The following DOT1L variants were observed in gnomAD, a reference collection of about 807,000 sequenced individuals.
The protein encoded by DOT1L is DOT1 like histone lysine methyltransferase.
In DOT1L, 33 loss-of-function variants were observed where a neutral mutation model predicts 153.3. The observed-to-expected ratio is 0.22, with a 90% CI of 0.16 to 0.29. The LOEUF (loss-of-function observed/expected upper bound fraction) is 0.29, where lower values mean the gene tolerates loss of function less well. Among genes scored for constraint, DOT1L ranks in the 10% least tolerant of loss-of-function variants. The pLI, the probability that DOT1L is intolerant of heterozygous loss-of-function variation, is 1.00. For missense variants in DOT1L, 1,847 were observed against 2,119.9 expected, an observed-to-expected ratio of 0.87 and a Z score of 2.53; for synonymous variants, 1,135 against 965.1, an observed-to-expected ratio of 1.18 and a Z score of -3.26.
intron 26 of DOT1L, 98 bp from the exon 27 acceptor site, chr19:2,226,085 G>A (rs969766766): frequency 1.3e-5 from 18 of 1,338,940 alleles, no homozygotes; most frequent in Non-Finnish European, 1.8e-5. Flanking sequence ...AGCCCTGCCT[G>A]CAGAGTTGCC....
chr19:2,164,332 C>G lies in DOT1L; in HGVS notation c.81+67C>G, dbSNP rs528793077. 6.1e-4 allele frequency: 686 copies of G among 1,121,492 alleles called. 5 individuals carry two copies. The African/African-American group carries it at 0.01, about 16-fold the overall frequency. The allele number at this position is 1,121,492 out of a possible 1,614,324, so 69.5% of individuals were successfully genotyped here. ...TCCTCCGCCGCCCCTGGGGACACCC[C>G]AAACCCCCCCAAGCCGCGCTCACCG... On this transcript the variant is annotated intron_variant, in intron 1 of 27. Coordinates refer to ENST00000398665, the MANE Select transcript of DOT1L (RefSeq NM_032482.3).
chr19:2,180,288 G>A (rs930032195), intron 1 of DOT1L, among the ~76,000 whole-genome samples: 1 of 152,220 alleles, frequency 6.6e-6, no homozygotes, highest in Non-Finnish European at 1.5e-5. Flanking sequence ...CTGGAGCAGC[G>A]TCGGGAGAAT....
intron 25 of DOT1L, among the ~76,000 whole-genome samples, chr19:2,224,530 C>T (rs1367291451): frequency 2.7e-5 from 4 of 149,406 alleles, no homozygotes; most frequent in Non-Finnish European, 4.4e-5. Context: ...TGCGGTGGCG[C>T]GATCTCGGCT....
In DOT1L at chr19:2,232,394, G is replaced by A. The variant is rs901264293; in HGVS notation, c.*2602G>A. On this transcript the variant is annotated 3_prime_UTR_variant, in exon 28 of 28. Transcript: ENST00000398665. Reference sequence around the variant, plus strand: ...TCAGACCCCCCTCCCAACACAACACGCTGCTGGTCTGTGTCAGCCTTTGTA... The same window carrying A: ...TCAGACCCCCCTCCCAACACAACACACTGCTGGTCTGTGTCAGCCTTTGTA... 2 of 162,980 alleles carry A rather than the reference G, an allele frequency of 1.2e-5. No individual in the cohort carries two copies. Among genetic ancestry groups the A allele is most frequent in the East Asian group, 9.5e-5 (1 of 10,474 alleles). The allele number at this position is 162,980 out of a possible 1,614,324, so 10.1% of individuals were successfully genotyped here.
intron 27 of DOT1L, chr19:2,228,761 A>G: frequency 1.0e-6 from 1 of 985,386 alleles, no homozygotes; most frequent in Non-Finnish European, 1.2e-6. Context: ...CAGGTCACTC[A>G]TGACGGGTGG....
intron 12 of DOT1L, among the ~76,000 whole-genome samples, chr19:2,210,125 C>CTCACAG: frequency 6.6e-6 from 1 of 152,302 alleles, no homozygotes. Context: ...TTCTCTGTGG[C>CTCACAG]TCACAGTCTG....
rs777524986 is a variant in DOT1L at position 2,226,881 on chromosome 19, G to A, written c.4360G>A (p.Ala1454Thr). The A allele has an allele frequency of 3.2e-6, 5 of 1,574,362 alleles. No homozygotes were observed. The highest frequency in any genetic ancestry group is 3.5e-5 in the Admixed American group (2 of 56,502). The change falls in exon 27 of 28, where the codon GCG becomes ACG. Residue 1454 changes from alanine to threonine, a missense_variant. By Grantham distance (58) the Ala-to-Thr change is moderately conservative. Transcript: ENST00000398665. ...CCCGGCGGCGTCCTCCGCAGGCGGC[G>A]CGGCGTCCTCCGCCCAGACGCACCG... ...LAPAASSAGG[A>T]ASSAQTHRSF...
chr19:2,164,718 C>G (rs1256699206), intron 1 of DOT1L, among the ~76,000 whole-genome samples: 1 of 152,134 alleles, frequency 6.6e-6, no homozygotes, highest in African/African-American at 2.4e-5. Context: ...GCTTTTCCTA[C>G]TCGGGCACGG....
rs2144867640 is a variant in DOT1L, at chr19:2,216,541, G to A, written c.2184G>A (p.Arg728=). The A allele has an allele frequency of 1.9e-6, 3 of 1,611,022 alleles. No individual in the cohort carries two copies. The highest frequency in any genetic ancestry group is 2.5e-6 in the Non-Finnish European group (3 of 1,179,774). The change falls in exon 20 of 28, where the codon CGG becomes CGA. Residue 728 remains arginine, a synonymous_variant. Transcript: ENST00000398665. ...AGYELCGVLS[R]PSSKQNTPQY... ...ATGAGCTCTGCGGTGTGCTGAGCCG[G>A]CCTTCGTCGAAGCAGAACACGCCCC... is the stretch of plus-strand genomic sequence containing the variant.
At chr19:2,169,430 G>C (rs912190532) in intron 1 of DOT1L, among the ~76,000 whole-genome samples, 5 of 152,156 alleles carry the variant, frequency 3.3e-5, no homozygotes, top group Non-Finnish European at 7.3e-5. Flanking sequence ...GAGGTTGCAG[G>C]GGGTACTGGG....
chr19:2,184,356 T>G (rs762683220), intron 2 of DOT1L, among the ~76,000 whole-genome samples: 9 of 152,212 alleles, frequency 5.9e-5, no homozygotes, highest in Non-Finnish European at 1.2e-4. Context: ...CCACAGCCCT[T>G]CTGACAGGAT....
rs1478680071 is a variant in DOT1L at position 2,182,160 on chromosome 19, GAGGTTGC to G, written c.125+1407_125+1413del. On this transcript the variant is annotated intron_variant, in intron 2 of 27. Coordinates refer to ENST00000398665, the MANE Select transcript of DOT1L (RefSeq NM_032482.3). ...GAGAATAGCTTGAACCCAGGGGGCG[GAGGTTGC>G]AGTGACCCAAGATGGTGCCACTGCA... 7.9e-5 allele frequency among the ~76,000 whole-genome samples: 12 copies of G among 152,110 alleles called. No homozygotes were observed. In the South Asian group the frequency reaches 2.5e-3, roughly 31 times the overall value.
Position 2,231,181 on chromosome 19 carries a change from C to T in DOT1L, c.*1389C>T, listed in dbSNP as rs944431409. The T allele has an allele frequency of 8.8e-6, 2 of 227,688 alleles. No homozygotes were observed. Among genetic ancestry groups the T allele is most frequent in the African/African-American group, 2.2e-5 (1 of 44,974 alleles). 14.1% of individuals were successfully genotyped at this position (227,688 alleles called of 1,614,324 possible). Reference sequence around the variant, plus strand: ...CTGTGCCCTCCCTGGAGGATGGGATCTGGGAGTCTGAGCTCCCCGCATCTG... The same window carrying T: ...CTGTGCCCTCCCTGGAGGATGGGATTTGGGAGTCTGAGCTCCCCGCATCTG... On this transcript the variant is annotated 3_prime_UTR_variant, in exon 28 of 28. Transcript: ENST00000398665.
At chr19:2,187,823 G>A (rs919515916) in intron 3 of DOT1L, among the ~76,000 whole-genome samples, 7 of 151,832 alleles carry the variant, frequency 4.6e-5, no homozygotes, top group African/African-American at 1.7e-4. Context: ...TCAGGAGGCT[G>A]AGGCAGGAGA....
chr19:2,213,893 G>A lies in DOT1L; in HGVS notation c.1704G>A (p.Gln568=), dbSNP rs1568359581. Residue 568 remains glutamine (Q), a synonymous_variant, in exon 18 of 28, where the codon CAG becomes CAA. Transcript: ENST00000398665. ...ALTYNDLIQA[Q]KEISAHNQQL... is the part of the protein sequence containing the mutation. ...CCTACAACGACCTGATTCAAGCGCA[G>A]AAGGAGATCTCCGCCCATAACCAGC... 2 of 1,613,142 alleles carry A rather than the reference G, an allele frequency of 1.2e-6. No homozygotes were observed. The highest frequency in any genetic ancestry group is 2.2e-5 in the East Asian group (1 of 44,894).
intron 2 of DOT1L, among the ~76,000 whole-genome samples, chr19:2,184,278 A>G (rs1348441707): frequency 6.6e-6 from 1 of 152,104 alleles, no homozygotes; most frequent in African/African-American, 2.4e-5. Flanking sequence ...GGTGTTGGCC[A>G]GGTGTGCAGG....
Position 2,191,008 on chromosome 19 carries a change from G to T in DOT1L, c.265-4G>T, listed in dbSNP as rs377682303. On this transcript the variant is annotated splice_region_variant and splice_polypyrimidine_tract_variant and intron_variant, in intron 4 of 27. Coordinates refer to ENST00000398665, the MANE Select transcript of DOT1L (RefSeq NM_032482.3). This position sits in a 1 kb window ranked among gnomAD's most constrained non-coding sequence, Gnocchi z 6.8. ...GACATGGCCGGGCCACCCTCCGTCC[G>T]CAGTGGAAGGGCACCACGCAGCCCA... 16 of 1,593,056 alleles carry T rather than the reference G, an allele frequency of 1.0e-5. No homozygotes were observed. Among genetic ancestry groups the T allele is most frequent in the Admixed American group, 1.7e-5 (1 of 57,662 alleles).
chr19:2,170,950 C>T (rs561372435), intron 1 of DOT1L, among the ~76,000 whole-genome samples: 1 of 152,220 alleles, frequency 6.6e-6, no homozygotes. Flanking sequence ...CAGAACCTGT[C>T]CTTTAGAGTG....
chr19:2,217,062 A>G lies in DOT1L; in HGVS notation c.2516A>G (p.Gln839Arg). 3 of 1,609,076 alleles carry G rather than the reference A, an allele frequency of 1.9e-6. No individual in the cohort carries two copies. The highest frequency in any genetic ancestry group is 1.3e-5 in the African/African-American group (1 of 74,970). ...DPRPLSPGAL[Q>R]LAGEKSSEKG... ...CGGCCCCTGTCCCCTGGGGCCTTGC[A>G]GCTTGCTGGAGAGAAGAGCAGTGAG... Residue 839 changes from glutamine to arginine, a missense_variant, in exon 21 of 28, where the codon CAG (glutamine) becomes CGG (arginine). By Grantham distance (43) the Gln-to-Arg change is conservative (BLOSUM62 1). Transcript: ENST00000398665. This position sits in a 1 kb window ranked among gnomAD's most constrained non-coding sequence, Gnocchi z 7.3.
Sources: gnomAD v4.1 joint callset for allele counts (sites outside exome capture counted in the v4.1 genomes callset) on GRCh38, gnomAD v4.1.1 for gene constraint, Gnocchi (gnomAD v3.1) non-coding constraint, MANE v1.5 for transcripts, NCBI Gene and HGNC (gene_info 2026-07-23, HGNC 2026-07-21) for gene names.